The following KLHDC4 variants were observed in gnomAD, a reference collection of about 807,000 sequenced individuals.
KLHDC4 encodes the protein kelch domain containing 4.
In KLHDC4, 90 loss-of-function variants were observed where a neutral mutation model predicts 62.4. That is an observed-to-expected ratio of 1.44 (90% CI 1.22 to 1.72). KLHDC4 has a LOEUF of 1.72. Ranked by LOEUF, KLHDC4 falls within the 40% of genes most tolerant of loss-of-function variation. The pLI is 0.00. For synonymous variants in KLHDC4, 386 were observed against 284.4 expected (o/e 1.36, Z -3.59); for missense variants, 1,025 against 699.7 (o/e 1.47, Z -5.25).
chr16:87,717,129 G>A (rs988535637), intron 7 of KLHDC4, among the ~76,000 whole-genome samples: 1 of 151,942 alleles, frequency 6.6e-6, no homozygotes, highest in Non-Finnish European at 1.5e-5. Context: ...TACTCCCAAC[G>A]CTGAGGTGGG....
At chr16:87,700,793 G>C (rs1567627417) in exon 1 of KLHDC4, 1 of 223,340 alleles carries the variant, frequency 4.5e-6, no homozygotes, top group African/African-American at 2.7e-5. Context: ...GGAGGTTGGA[G>C]GGCAGAGGGG....
At chr16:87,713,923 A>T (rs1320545338) in intron 8 of KLHDC4, among the ~76,000 whole-genome samples, 1 of 152,128 alleles carries the variant, frequency 6.6e-6, no homozygotes, top group Non-Finnish European at 1.5e-5. Context: ...CGAGTTCAGT[A>T]ACTCAAGCTG....
chr16:87,738,490 A>G (rs576827690), intron 5 of KLHDC4, among the ~76,000 whole-genome samples: 14 of 152,266 alleles, frequency 9.2e-5, no homozygotes, highest in African/African-American at 3.4e-4. Flanking sequence ...AAGAGCAGAA[A>G]AGTGGAAACA....
At chr16:87,709,198 G>C (rs1319869230) in intron 10 of KLHDC4, 67 bp downstream of exon 10, 5 of 1,540,628 alleles carry the variant, frequency 3.2e-6, no homozygotes, top group Admixed American at 1.8e-5. Flanking sequence ...GCTTGCTTTC[G>C]AGGGACGCGA....
Position 87,708,440 on chromosome 16 carries a change from C to G in KLHDC4, c.1474G>C (p.Asp492His). The change falls in exon 11 of 12, where the codon GAC becomes CAC. Residue 492 changes from aspartate to histidine, a missense_variant. By Grantham distance (81) the Asp-to-His change is moderately conservative. Transcript: ENST00000270583. ...PETQEWLEET[D>H]SEEDSEEVEG... ...ACCTCCTCACTGTCCTCTTCCGAGTCCGTCTCCTCCAGCCACTCCTGAGTT... is the reference window on the plus strand; with the variant it reads ...ACCTCCTCACTGTCCTCTTCCGAGTGCGTCTCCTCCAGCCACTCCTGAGTT... 6.2e-7 allele frequency: 1 copy of G among 1,610,302 alleles called. No individual in the cohort carries two copies. The highest frequency in any genetic ancestry group is 8.5e-7 in the Non-Finnish European group (1 of 1,178,540).
chr16:87,734,338 C>T (rs766889545), intron 5 of KLHDC4, among the ~76,000 whole-genome samples: 35 of 151,700 alleles, frequency 2.3e-4, no homozygotes, highest in Middle Eastern at 3.4e-3. Flanking sequence ...AGCAAGACTC[C>T]GTCTCAAGAA....
At chr16:87,716,832 T>C (rs1016208745) in intron 7 of KLHDC4, among the ~76,000 whole-genome samples, 15 of 152,096 alleles carry the variant, frequency 9.9e-5, no homozygotes, top group Non-Finnish European at 1.8e-4. Flanking sequence ...CTGGGGAGGC[T>C]GAGGCAGGAG....
intron 4 of KLHDC4, among the ~76,000 whole-genome samples, chr16:87,753,333 A>C (rs1462529356): frequency 2.0e-5 from 3 of 152,228 alleles, no homozygotes; most frequent in African/African-American, 7.2e-5. Flanking sequence ...GCAAGTTCCA[A>C]CCAGACGAGG....
intron 5 of KLHDC4, among the ~76,000 whole-genome samples, chr16:87,733,165 A>C (rs188858126): frequency 6.6e-6 from 1 of 151,168 alleles, no homozygotes; most frequent in African/African-American, 2.4e-5. Context: ...CAGCTTCTAC[A>C]GGTGAAAAGG....
At chr16:87,747,647 C>G (rs921331988) in intron 5 of KLHDC4, 1 of 152,450 alleles carries the variant, frequency 6.6e-6, no homozygotes, top group Non-Finnish European at 1.5e-5. Context: ...GGGAATCTGT[C>G]TGCACCCTCC....
At chr16:87,703,217 T>C (rs889256278), downstream of KLHDC4, 12 of 152,128 alleles carry the variant, frequency 7.9e-5, no homozygotes, top group African/African-American at 2.2e-4. Flanking sequence ...GTGAGTTCCA[T>C]GGCGTCCCCG....
At chr16:87,714,711 G>A (rs1299616266) in intron 7 of KLHDC4, 138 bp from the exon 8 acceptor site, 2 of 877,388 alleles carry the variant, frequency 2.3e-6, no homozygotes, top group East Asian at 2.5e-5. Context: ...TCCAAAGCGT[G>A]CCTGCAGTGT....
chr16:87,750,573 G>C (rs1376652699), intron 4 of KLHDC4, among the ~76,000 whole-genome samples: 1 of 152,206 alleles, frequency 6.6e-6, no homozygotes, highest in Non-Finnish European at 1.5e-5. Flanking sequence ...ACGAAGAATG[G>C]TTCCACACAG....
chr16:87,745,253 T>C (rs111702669), intron 5 of KLHDC4, among the ~76,000 whole-genome samples: 2,077 of 152,138 alleles, frequency 0.014, 42 homozygotes, highest in African/African-American at 0.042. Context: ...GGGCCGGCCA[T>C]AGGGTGCCCT....
At chr16:87,757,888 T>C (rs939642986) in intron 2 of KLHDC4, among the ~76,000 whole-genome samples, 9 of 152,076 alleles carry the variant, frequency 5.9e-5, no homozygotes, top group Admixed American at 1.3e-4. Context: ...CAAGACTGTC[T>C]TAAAAAAACA....
chr16:87,748,534 C>G (rs1403965826), intron 5 of KLHDC4, 139 bp downstream of exon 5: 6 of 1,094,176 alleles, frequency 5.5e-6, no homozygotes, highest in Non-Finnish European at 7.9e-6. Context: ...CTCCCAGGAC[C>G]CAGCGAGGCT....
chr16:87,730,666 G>T, intron 5 of KLHDC4, 22 bp from the exon 6 acceptor site: 1 of 1,595,380 alleles, frequency 6.3e-7, no homozygotes, highest in Non-Finnish European at 8.6e-7. Context: ...TAAACAAAAA[G>T]ACACTATCAA....
chr16:87,736,345 A>C (rs1984980), intron 5 of KLHDC4, among the ~76,000 whole-genome samples: 5 of 152,064 alleles, frequency 3.3e-5, no homozygotes, highest in Non-Finnish European at 7.4e-5. Context: ...GTCCGTCGTG[A>C]ACAGAAACAT....
Position 87,755,602 on chromosome 16 carries a change from T to C in KLHDC4, c.271-310A>G, listed in dbSNP as rs533703186. On this transcript the variant is annotated intron_variant, in intron 3 of 11. Transcript: ENST00000270583. ...TGTTTTGTTTGAGATGAAGTCTCGC[T>C]GTTGCCCACAATGGAGTGCAATGGC... The C allele has an allele frequency of 6.8e-5, 17 of 250,360 alleles. No homozygotes were observed. In the East Asian group the frequency reaches 1.8e-3, roughly 27 times the overall value. The allele number at this position is 250,360 out of a possible 1,614,324, so 15.5% of individuals were successfully genotyped here.
Sources: gnomAD v4.1 joint callset for allele counts (sites outside exome capture counted in the v4.1 genomes callset) on GRCh38, gnomAD v4.1.1 for gene constraint, MANE v1.5 for transcripts, NCBI Gene and HGNC (gene_info 2026-07-23, HGNC 2026-07-21) for gene names.